The following ABCC1 variants were observed in gnomAD, a reference collection of about 807,000 sequenced individuals.
ABCC1 encodes ATP binding cassette subfamily C member 1 (ABCC1 blood group), also known as multidrug resistance-associated protein 1.
ABCC1 carries 83 observed loss-of-function variants against 172.9 expected under a neutral mutation model. That is an observed-to-expected ratio of 0.48 (90% confidence interval 0.40 to 0.58). ABCC1 has a LOEUF of 0.58. Ranked by LOEUF, ABCC1 falls within the 20% of genes least tolerant of loss-of-function variation. The pLI is 0.00. For missense variants in ABCC1, 1,817 were observed against 2,002.7 expected (o/e 0.91, Z 1.77); for synonymous variants, 937 against 825.2 (o/e 1.14, Z -2.32).
intron 3 of ABCC1, 77 bp from the exon 4 acceptor site, chr16:16,014,414 T>A: frequency 2.0e-6 from 3 of 1,537,758 alleles, no homozygotes; most frequent in African/African-American, 1.4e-5. Context: ...ACCACTGCGC[T>A]CCAGCCTGGG....
Position 16,131,920 on chromosome 16 carries a change from C to A in ABCC1, c.3951C>A (p.Ile1317=). The change falls in exon 27 of 31, where the codon ATC becomes ATA. Residue 1317 remains isoleucine, a synonymous_variant. Transcript: ENST00000399410. Reference sequence around the variant, plus strand: ...TTCTCAGGCACATCAATGTCACGATCAATGGGGGAGAAAAGGTGGGTACAC... The same window carrying A: ...TTCTCAGGCACATCAATGTCACGATAAATGGGGGAGAAAAGGTGGGTACAC... ...DFVLRHINVT[I]NGGEKVGIVG... 6.2e-7 allele frequency: 1 copy of A among 1,613,908 alleles called. No individual in the cohort carries two copies.
chr16:16,115,502 CG>C (rs2044822636), intron 23 of ABCC1, among the ~76,000 whole-genome samples: 1 of 152,022 alleles, frequency 6.6e-6, no homozygotes, highest in African/African-American at 2.4e-5. Flanking sequence ...CGCACCACCA[CG>C]GCCGGCTAAT....
rs45549144 is a variant in ABCC1, at chr16:16,022,653, G to A, written c.615+6032G>A. Reference sequence around the variant, plus strand: ...GGTGGTTCAGGGTTGCAAATCACTGGTTTGGAACATTCAGTGAAAGCTACT... The same window carrying A: ...GGTGGTTCAGGGTTGCAAATCACTGATTTGGAACATTCAGTGAAAGCTACT... On this transcript the variant is annotated intron_variant, in intron 5 of 30. Transcript: ENST00000399410. Among the ~76,000 whole-genome samples, 624 of 152,222 alleles carry A rather than the reference G, an allele frequency of 4.1e-3. 3 individuals are homozygous for A. Among genetic ancestry groups the A allele is most frequent in the Middle Eastern group, 0.014 (4 of 294 alleles).
intron 12 of ABCC1, among the ~76,000 whole-genome samples, chr16:16,066,728 A>C (rs1356521450): frequency 1.3e-5 from 2 of 151,250 alleles, no homozygotes; most frequent in Non-Finnish European, 2.9e-5. Context: ...GCGAAACCCC[A>C]TCTCTACTAA....
At chr16:16,091,069 C>CA (rs774269942) in intron 19 of ABCC1, among the ~76,000 whole-genome samples, 1 of 152,042 alleles carries the variant, frequency 6.6e-6, no homozygotes, top group African/African-American at 2.4e-5. Flanking sequence ...CTCATCTCCC[C>CA]AGCTATGTGA....
intron 1 of ABCC1, among the ~76,000 whole-genome samples, chr16:15,966,405 ATCTT>A (rs1174430614): frequency 5.2e-5 from 3 of 57,540 alleles, no homozygotes; most frequent in Non-Finnish European, 1.1e-4. Context: ...GAGAGACTTT[ATCTT>A]AAAAAAAAAA....
At chr16:16,062,020 G>A (rs2049938242) in intron 12 of ABCC1, among the ~76,000 whole-genome samples, 1 of 152,124 alleles carries the variant, frequency 6.6e-6, no homozygotes, top group Non-Finnish European at 1.5e-5. Context: ...CAGTCCGCCT[G>A]CCTCTGTCTC....
chr16:16,004,864 G>GT (rs988976264), intron 1 of ABCC1, among the ~76,000 whole-genome samples: 3 of 151,180 alleles, frequency 2.0e-5, no homozygotes, highest in Non-Finnish European at 2.9e-5. Flanking sequence ...GTTTTTATGG[G>GT]GGGTTCTTGC....
intron 30 of ABCC1, among the ~76,000 whole-genome samples, chr16:16,139,775 C>T (rs2046063600): frequency 6.6e-6 from 1 of 152,186 alleles, no homozygotes; most frequent in Admixed American, 6.5e-5. Context: ...GTGCCAGGGT[C>T]CTGGGGGGTT....
intron 5 of ABCC1, among the ~76,000 whole-genome samples, chr16:16,024,149 G>A (rs2048289835): frequency 6.6e-6 from 1 of 152,118 alleles, no homozygotes; most frequent in African/African-American, 2.4e-5. Flanking sequence ...AACCCGGGAG[G>A]CGGAGGTTGC....
At chr16:16,053,129 G>A (rs925533630) in intron 11 of ABCC1, among the ~76,000 whole-genome samples, 16 of 152,260 alleles carry the variant, frequency 1.1e-4, no homozygotes, top group Admixed American at 1.0e-3. Context: ...CAGAAGGTCT[G>A]TGAGCCTCTG....
chr16:16,136,816 T>C (rs2045933944), intron 29 of ABCC1, among the ~76,000 whole-genome samples, 172 bp downstream of exon 29: 1 of 152,156 alleles, frequency 6.6e-6, no homozygotes, highest in South Asian at 2.1e-4. Flanking sequence ...CGGGTCTCAA[T>C]CCAGGCTCTT....
intron 26 of ABCC1, among the ~76,000 whole-genome samples, chr16:16,128,669 TA>T (rs1368733177): frequency 6.6e-6 from 1 of 152,180 alleles, no homozygotes; most frequent in Non-Finnish European, 1.5e-5. Flanking sequence ...ACATAAATTA[TA>T]AAATAGAGAT....
chr16:16,072,591 C>T (rs2050393437), intron 14 of ABCC1, among the ~76,000 whole-genome samples: 1 of 151,684 alleles, frequency 6.6e-6, no homozygotes, highest in Non-Finnish European at 1.5e-5. Context: ...TCTGCCTCAG[C>T]CTCCCAAAGT....
At chr16:16,092,258 A>G (rs1011063613) in intron 19 of ABCC1, among the ~76,000 whole-genome samples, 4 of 152,126 alleles carry the variant, frequency 2.6e-5, no homozygotes, top group African/African-American at 9.7e-5. Context: ...AACAAAACAA[A>G]ACAAAAATTC....
At chr16:16,093,857 C>A (rs2051350989) in intron 19 of ABCC1, among the ~76,000 whole-genome samples, 1 of 151,978 alleles carries the variant, frequency 6.6e-6, no homozygotes, top group Non-Finnish European at 1.5e-5. Flanking sequence ...TTGGGAGAAT[C>A]CTTGAGGGGG....
Position 16,122,221 on chromosome 16 carries a change from C to G in ABCC1, c.3590+47C>G, listed in dbSNP as rs375050035. Reference sequence around the variant, plus strand: ...GAGCGGGTGGAGGAGGCCGCCTTAGCACCTTGTCTCTTTGCCTCGATCTTT... The same window carrying G: ...GAGCGGGTGGAGGAGGCCGCCTTAGGACCTTGTCTCTTTGCCTCGATCTTT... On this transcript the variant is annotated intron_variant, in intron 24 of 30. Transcript: ENST00000399410. The G allele has an allele frequency of 2.5e-6, 4 of 1,594,744 alleles. No homozygotes were observed. The African/African-American group carries it at 5.4e-5, about 21-fold the overall frequency.
intron 7 of ABCC1, among the ~76,000 whole-genome samples, chr16:16,040,341 G>A (rs574035144): frequency 3.3e-5 from 5 of 152,050 alleles, no homozygotes; most frequent in African/African-American, 1.2e-4. Flanking sequence ...AGGCTGGAGT[G>A]CAGTGGTGCT....
intron 1 of ABCC1, among the ~76,000 whole-genome samples, chr16:15,982,803 C>CAAAAAAAAAAAAAAAAAAAAAAAAAA (rs148834444): frequency 2.3e-5 from 1 of 43,212 alleles, no homozygotes; most frequent in Non-Finnish European, 4.3e-5. Context: ...GAGACGCTGT[C>CAAAAAAAAAAAAAAAAAAAAAAAAAA]AAAAAAAAAA....
Sources: allele counts gnomAD v4.1 joint callset (sites outside exome capture counted in the v4.1 genomes callset), GRCh38; gene constraint gnomAD v4.1.1; transcripts MANE v1.5; gene names NCBI Gene and HGNC (gene_info 2026-07-23, HGNC 2026-07-21).